RBMS3: variants seen among roughly 807,000 people sequenced by gnomAD.
RBMS3 encodes RNA-binding motif, single-stranded-interacting protein 3.
A neutral mutation model predicts 66.8 loss-of-function variants in RBMS3; 27 were observed. The ratio of observed to expected loss-of-function variants is 0.40; its 90% CI spans 0.30 to 0.56. The LOEUF is 0.56. RBMS3 is among the 20% of genes least tolerant of loss of function. RBMS3 has a pLI of 0.40. For missense variants in RBMS3, 513 were observed against 549.5 expected, an observed-to-expected ratio of 0.93 and a Z score of 0.66; for synonymous variants, 188 against 183.0, an observed-to-expected ratio of 1.03 and a Z score of -0.22.
intron 1 of RBMS3, among the ~76,000 whole-genome samples, chr3:29,355,868 A>G (rs568395869): frequency 6.6e-6 from 1 of 152,238 alleles, no homozygotes; most frequent in African/African-American, 2.4e-5. Flanking sequence ...GTAACCCATA[A>G]TTACTAACCC....
chr3:29,798,050 G>A (rs1050278803), intron 6 of RBMS3, among the ~76,000 whole-genome samples: 1 of 151,742 alleles, frequency 6.6e-6, no homozygotes, highest in African/African-American at 2.4e-5. Flanking sequence ...GGAACATCTG[G>A]CCAGGAAAAG....
At chr3:29,492,428 G>A (rs1039851909) in intron 3 of RBMS3, among the ~76,000 whole-genome samples, 3 of 152,216 alleles carry the variant, frequency 2.0e-5, no homozygotes, top group East Asian at 3.9e-4. Flanking sequence ...AAGGTTCAAG[G>A]AACTGATAAG....
chr3:29,281,501 TTTTTG>T lies in RBMS3; in HGVS notation c.-166_-162del, dbSNP rs765486683. 1.4e-5 allele frequency: 8 copies of T among 586,700 alleles called. No homozygotes were observed. The highest frequency in any genetic ancestry group is 2.1e-5 in the Non-Finnish European group (7 of 333,896). 36.3% of individuals were successfully genotyped at this position (586,700 alleles called of 1,614,324 possible). ...TTTTTTTTTTTCCTTTGGTGTGTGT[TTTTTG>T]TTTTGTTTTGTTTTTTAAAAAAATT... On this transcript the variant is annotated 5_prime_UTR_variant, in exon 1 of 15. Coordinates refer to ENST00000383767, the MANE Select transcript of RBMS3 (RefSeq NM_001003793.3).
At chr3:29,899,672 G>C (rs192438030) in intron 9 of RBMS3, 33 bp from the exon 10 acceptor site, 4 of 1,598,376 alleles carry the variant, frequency 2.5e-6, no homozygotes, top group Non-Finnish European at 1.7e-6. Flanking sequence ...CTCTATGATT[G>C]CTTTGTGCTA....
chr3:29,330,887 T>G (rs989954701), intron 1 of RBMS3, among the ~76,000 whole-genome samples: 10 of 152,156 alleles, frequency 6.6e-5, no homozygotes, highest in African/African-American at 1.9e-4. Context: ...GGATGGTGAT[T>G]GAATTGCTTG....
chr3:29,998,494 C>G (rs1176449220), intron 14 of RBMS3, among the ~76,000 whole-genome samples: 2 of 152,200 alleles, frequency 1.3e-5, no homozygotes, highest in South Asian at 2.1e-4. Flanking sequence ...CTGGAGGCAT[C>G]ACGCTACCTG....
chr3:29,372,371 A>G (rs1236504049), intron 1 of RBMS3, among the ~76,000 whole-genome samples: 1 of 152,142 alleles, frequency 6.6e-6, no homozygotes, highest in Non-Finnish European at 1.5e-5. Flanking sequence ...ATTTTATTTT[A>G]TTTAAAAAAG....
intron 2 of RBMS3, among the ~76,000 whole-genome samples, chr3:29,458,242 G>A (rs1245410388): frequency 2.6e-5 from 4 of 152,152 alleles, no homozygotes; most frequent in Non-Finnish European, 5.9e-5. Context: ...ACTGGCAAAT[G>A]GGCTAGTGAA....
chr3:29,354,363 A>C (rs188914072), intron 1 of RBMS3, among the ~76,000 whole-genome samples: 291 of 152,268 alleles, frequency 1.9e-3, no homozygotes, highest in Middle Eastern at 6.8e-3. Flanking sequence ...TTATGATGCA[A>C]AAATTAACTC....
chr3:29,974,055 T>G (rs775777444), intron 12 of RBMS3, among the ~76,000 whole-genome samples: 2 of 151,966 alleles, frequency 1.3e-5, no homozygotes, highest in Non-Finnish European at 2.9e-5. Flanking sequence ...ATTCTCAGAC[T>G]GCTCCATTCT....
chr3:29,432,655 G>C (rs2041252736), intron 1 of RBMS3, among the ~76,000 whole-genome samples: 2 of 152,042 alleles, frequency 1.3e-5, no homozygotes, highest in South Asian at 4.1e-4. Flanking sequence ...CCTGCTCTCA[G>C]GAAACACAGA....
At chr3:29,664,561 T>G (rs537138327) in intron 4 of RBMS3, among the ~76,000 whole-genome samples, 2 of 152,040 alleles carry the variant, frequency 1.3e-5, no homozygotes, top group Non-Finnish European at 2.9e-5. Flanking sequence ...CAATGGTTTT[T>G]TATAAATATG....
intron 1 of RBMS3, among the ~76,000 whole-genome samples, chr3:29,416,836 A>G (rs2040496926): frequency 6.6e-6 from 1 of 152,070 alleles, no homozygotes; most frequent in African/African-American, 2.4e-5. Context: ...CCAGAAGCGA[A>G]CTCTGTGCAA....
intron 4 of RBMS3, among the ~76,000 whole-genome samples, chr3:29,708,630 G>A (rs1277859924): frequency 6.6e-6 from 1 of 152,162 alleles, no homozygotes; most frequent in Non-Finnish European, 1.5e-5. Context: ...TGATTGGGGT[G>A]ATTCTAGCAG....
chr3:29,715,871 A>G (rs1174727572), intron 4 of RBMS3, among the ~76,000 whole-genome samples: 3 of 152,126 alleles, frequency 2.0e-5, no homozygotes, highest in Non-Finnish European at 4.4e-5. Flanking sequence ...TCTTCCATGT[A>G]TATGCTCATG....
chr3:29,941,109 A>G (rs2061383502), intron 11 of RBMS3, among the ~76,000 whole-genome samples: 1 of 151,852 alleles, frequency 6.6e-6, no homozygotes, highest in Non-Finnish European at 1.5e-5. Context: ...CAGGTTTTGT[A>G]TCTGCAGTTT....
At chr3:29,474,556 A>G (rs921650778) in intron 2 of RBMS3, among the ~76,000 whole-genome samples, 3 of 152,216 alleles carry the variant, frequency 2.0e-5, no homozygotes, top group Admixed American at 2.0e-4. Flanking sequence ...CTATTTTACA[A>G]CTTATGTTGA....
chr3:29,853,908 C>T (rs114200171), intron 6 of RBMS3, among the ~76,000 whole-genome samples: 3,215 of 152,250 alleles, frequency 0.021, 124 homozygotes, highest in African/African-American at 0.074. Flanking sequence ...GATCAGCTTC[C>T]CTCAAAGCCC....
At chr3:29,516,989 G>A (rs76522924) in intron 3 of RBMS3, among the ~76,000 whole-genome samples, 5,584 of 151,980 alleles carry the variant, frequency 0.037, 304 homozygotes, top group African/African-American at 0.12. Flanking sequence ...GAGGCAGGTG[G>A]ATCACTTGAG....
Sources: gnomAD v4.1 joint callset for allele counts (sites outside exome capture counted in the v4.1 genomes callset) on GRCh38, gnomAD v4.1.1 for gene constraint, MANE v1.5 for transcripts, NCBI Gene and HGNC (gene_info 2026-07-23, HGNC 2026-07-21) for gene names.